ERBB4: variants seen among roughly 807,000 people sequenced by gnomAD.
ERBB4 encodes receptor tyrosine-protein kinase erbB-4.
Under a neutral mutation model 158.0 loss-of-function variants are expected in ERBB4, and 42 were observed. The ratio of observed to expected loss-of-function variants is 0.27; its 90% CI spans 0.21 to 0.34. The LOEUF is 0.34. ERBB4 is among the 10% of genes least tolerant of loss of function. ERBB4 has a pLI of 1.00. For synonymous variants in ERBB4, 583 were observed against 558.7 expected (o/e 1.04, Z -0.61); for missense variants, 1,333 against 1,624.1 (o/e 0.82, Z 3.08).
At chr2:212,386,432 T>G (rs1482742017) in intron 1 of ERBB4, among the ~76,000 whole-genome samples, 1 of 151,984 alleles carries the variant, frequency 6.6e-6, no homozygotes, top group Non-Finnish European at 1.5e-5. Flanking sequence ...GTCAAGATAC[T>G]CTGGTAATCA....
chr2:212,396,106 T>A (rs2091018537), intron 1 of ERBB4, among the ~76,000 whole-genome samples: 1 of 152,204 alleles, frequency 6.6e-6, no homozygotes, highest in African/African-American at 2.4e-5. Context: ...AAGCGTGTGC[T>A]CAAATAGAAA....
At chr2:211,618,903 C>A (rs920289717) in intron 19 of ERBB4, among the ~76,000 whole-genome samples, 1 of 151,986 alleles carries the variant, frequency 6.6e-6, no homozygotes, top group Non-Finnish European at 1.5e-5. Context: ...ATGTCTGAAT[C>A]AATGTAGATA....
At position 211,632,155 on chromosome 2, in the gene ERBB4, A is replaced by G. The variant is rs2070164908; in HGVS notation, c.1947-1561T>C. Among the ~76,000 whole-genome samples, 6 of 152,092 alleles carry G rather than the reference A, an allele frequency of 3.9e-5. No individual in the cohort carries two copies. In the South Asian group the frequency reaches 1.2e-3, roughly 31 times the overall value. On this transcript the variant is annotated intron_variant, in intron 16 of 27. Transcript: ENST00000342788. ...TACTATAGTATACTGAAATGTTGCT[A>G]TAATTCAGCTAGATTTTTCTAAATG...
intron 3 of ERBB4, among the ~76,000 whole-genome samples, chr2:211,919,658 T>C (rs2079803824): frequency 1.3e-5 from 2 of 152,012 alleles, no homozygotes; most frequent in Admixed American, 1.3e-4. Context: ...TTTTTATATT[T>C]GTAACCCAAA....
chr2:211,959,086 A>G (rs2081104749), intron 2 of ERBB4, among the ~76,000 whole-genome samples: 1 of 152,030 alleles, frequency 6.6e-6, no homozygotes, highest in South Asian at 2.1e-4. Context: ...AAAGTCTTTA[A>G]GTCTCTATGC....
At chr2:212,170,611 C>T (rs762928875) in intron 1 of ERBB4, among the ~76,000 whole-genome samples, 7 of 152,130 alleles carry the variant, frequency 4.6e-5, no homozygotes, top group Non-Finnish European at 8.8e-5. Context: ...GGCCCCAGGC[C>T]TTGCAGTTTT....
chr2:211,861,074 T>TTTTA (rs2078015919), intron 3 of ERBB4, among the ~76,000 whole-genome samples: 1 of 42,920 alleles, frequency 2.3e-5, no homozygotes, highest in Admixed American at 4.0e-4. Flanking sequence ...TATAATATAT[T>TTTTA]TATATATTAT....
At chr2:211,700,667 T>TA (rs2073199777) in intron 12 of ERBB4, among the ~76,000 whole-genome samples, 1 of 152,118 alleles carries the variant, frequency 6.6e-6, no homozygotes, top group Non-Finnish European at 1.5e-5. Context: ...GTTGGCCTCT[T>TA]AAGAGTTTAT....
chr2:212,384,890 AATATATATATATATAT>A (rs67216333), intron 1 of ERBB4, among the ~76,000 whole-genome samples: 4 of 123,188 alleles, frequency 3.2e-5, no homozygotes, highest in Admixed American at 1.7e-4. Context: ...ATGTTTGTGG[AATATATATATATATAT>A]ATATATATAT....
intron 1 of ERBB4, among the ~76,000 whole-genome samples, chr2:212,278,202 T>C (rs1268752271): frequency 1.3e-5 from 2 of 151,816 alleles, no homozygotes; most frequent in Non-Finnish European, 2.9e-5. Flanking sequence ...TACTTCCATA[T>C]AAAATGTACA....
At chr2:212,429,511 T>C (rs1003527345) in intron 1 of ERBB4, among the ~76,000 whole-genome samples, 1 of 152,182 alleles carries the variant, frequency 6.6e-6, no homozygotes, top group African/African-American at 2.4e-5. Flanking sequence ...AGAATCCCCC[T>C]CTAAAATTTC....
chr2:211,633,631 CTT>C (rs2070234477), intron 16 of ERBB4, among the ~76,000 whole-genome samples: 1 of 145,756 alleles, frequency 6.9e-6, no homozygotes, highest in Non-Finnish European at 1.5e-5. Context: ...GTTTTTTCTT[CTT>C]GAGGTAATGT....
intron 1 of ERBB4, among the ~76,000 whole-genome samples, chr2:212,518,293 C>G (rs1415005300): frequency 6.6e-6 from 1 of 151,960 alleles, no homozygotes; most frequent in Non-Finnish European, 1.5e-5. Context: ...TAATAATTGT[C>G]TCTGATCTCA....
At chr2:212,333,758 G>T (rs1451653015) in intron 1 of ERBB4, among the ~76,000 whole-genome samples, 1 of 151,844 alleles carries the variant, frequency 6.6e-6, no homozygotes, top group African/African-American at 2.4e-5. Context: ...AGTTTGCAGG[G>T]ATGGAGGAAA....
chr2:211,907,941 T>C (rs760525340), intron 3 of ERBB4, among the ~76,000 whole-genome samples: 7 of 151,830 alleles, frequency 4.6e-5, no homozygotes, highest in Non-Finnish European at 1.0e-4. Context: ...CTTGCAGAGA[T>C]TTCTTTACTT....
intron 1 of ERBB4, among the ~76,000 whole-genome samples, chr2:212,287,708 G>T (rs572657008): frequency 1.5e-4 from 23 of 152,210 alleles, no homozygotes; most frequent in African/African-American, 5.5e-4. Flanking sequence ...CACAATTCCA[G>T]AAAAGACTGC....
rs1553630490 is a variant in ERBB4, at chr2:211,773,631, T to TATATA, written c.556+14389_556+14393dup. The stretch of plus-strand genomic sequence containing the variant: ...ATATATATATATATATATATATATA[T>TATATA]ATATATATATATATATAATATATAT... On this transcript the variant is annotated intron_variant, in intron 4 of 27. Coordinates refer to ENST00000342788, the MANE Select transcript of ERBB4 (RefSeq NM_005235.3). Among the ~76,000 whole-genome samples the TATATA allele has an allele frequency of 3.1e-4, 28 of 91,230 alleles. 1 individual carries two copies. Among genetic ancestry groups the TATATA allele is most frequent in the Admixed American group, 1.2e-3 (11 of 9,346 alleles). 59.9% of individuals were successfully genotyped at this position (91,230 alleles called of 152,430 possible).
chr2:212,076,545 C>G (rs777087131), intron 2 of ERBB4, among the ~76,000 whole-genome samples: 31 of 151,650 alleles, frequency 2.0e-4, no homozygotes, highest in Non-Finnish European at 4.0e-4. Flanking sequence ...GAAAAGTAAA[C>G]AAACAACTAG....
chr2:212,396,190 T>C (rs1460787199), intron 1 of ERBB4, among the ~76,000 whole-genome samples: 1 of 152,192 alleles, frequency 6.6e-6, no homozygotes, highest in East Asian at 1.9e-4. Context: ...TTTAAAATGC[T>C]TTAATGAACT....
Sources: allele counts gnomAD v4.1 joint callset (sites outside exome capture counted in the v4.1 genomes callset), GRCh38; gene constraint gnomAD v4.1.1; transcripts MANE v1.5; gene names NCBI Gene and HGNC (gene_info 2026-07-23, HGNC 2026-07-21).